PTPRN2: variants seen among roughly 807,000 people sequenced by gnomAD.
PTPRN2 encodes protein tyrosine phosphatase receptor type N2, also known as receptor-type tyrosine-protein phosphatase N2.
In PTPRN2, 74 loss-of-function variants were observed where a neutral mutation model predicts 118.8. The observed-to-expected ratio is 0.62, with a 90% CI of 0.52 to 0.76. PTPRN2 has a LOEUF of 0.76. Among genes scored for constraint, PTPRN2 ranks in the 30% least tolerant of loss-of-function variants. PTPRN2 has a pLI of 0.00. For missense variants in PTPRN2, 1,481 were observed against 1,394.4 expected, an observed-to-expected ratio of 1.06 and a Z score of -0.99; for synonymous variants, 641 against 608.0, an observed-to-expected ratio of 1.05 and a Z score of -0.80.
chr7:158,292,913 C>T (rs1432184566), intron 3 of PTPRN2, among the ~76,000 whole-genome samples: 3 of 151,956 alleles, frequency 2.0e-5, no homozygotes, highest in Non-Finnish European at 2.9e-5. Context: ...ACTAAAAATA[C>T]AAAAATTAGC....
rs370284149 is a variant in PTPRN2, at chr7:157,683,216, G to A, written c.1789-279C>T. Among the ~76,000 whole-genome samples the A allele has an allele frequency of 6.6e-5, 10 of 152,298 alleles. No individual in the cohort carries two copies. The South Asian group carries it at 1.7e-3, about 25-fold the overall frequency. Reference sequence around the variant, plus strand: ...TGGCTGTTTTTCAAATTTATGTAACGTATTTGGCAGCTAATTTGCTGCCTT... The same window carrying A: ...TGGCTGTTTTTCAAATTTATGTAACATATTTGGCAGCTAATTTGCTGCCTT... On this transcript the variant is annotated intron_variant, in intron 12 of 22. Transcript: ENST00000389418.
chr7:158,044,646 C>T (rs1808710363), intron 11 of PTPRN2, among the ~76,000 whole-genome samples: 1 of 152,096 alleles, frequency 6.6e-6, no homozygotes, highest in African/African-American at 2.4e-5. Flanking sequence ...CAGGAGGCCA[C>T]AGGGGACAAG....
intron 14 of PTPRN2, among the ~76,000 whole-genome samples, chr7:157,644,290 C>T (rs147241380): frequency 0.015 from 2,351 of 152,314 alleles, 36 homozygotes; most frequent in Non-Finnish European, 0.026. Flanking sequence ...CTGCCAGCCA[C>T]GGAGAGAGAC....
At chr7:158,073,437 G>C (rs998864902) in intron 11 of PTPRN2, among the ~76,000 whole-genome samples, 5 of 152,186 alleles carry the variant, frequency 3.3e-5, no homozygotes, top group Admixed American at 3.3e-4. Context: ...CAGGCTCCAA[G>C]TGCACCTTCC....
rs956172790 is a variant in PTPRN2, at chr7:157,560,506, C to T, written c.2902+8396G>A. On this transcript the variant is annotated intron_variant, in intron 21 of 22. Transcript: ENST00000389418. This position sits in a 1 kb window ranked among gnomAD's most constrained non-coding sequence, Gnocchi z 6.7. ...TCCAACCAGCGTTCGTCGTCAGCCCCTTACACGGGACAGGGCACTGCAGAC... is the reference window on the plus strand; with the variant it reads ...TCCAACCAGCGTTCGTCGTCAGCCCTTTACACGGGACAGGGCACTGCAGAC... Among the ~76,000 whole-genome samples, 1 of 152,194 alleles carries T rather than the reference C, an allele frequency of 6.6e-6. No homozygotes were observed. The highest frequency in any genetic ancestry group is 2.1e-4 in the South Asian group (1 of 4,832).
intron 2 of PTPRN2, among the ~76,000 whole-genome samples, chr7:158,320,093 TCA>T (rs1563133861): frequency 1.0e-4 from 3 of 30,008 alleles, no homozygotes; most frequent in African/African-American, 2.8e-4. Flanking sequence ...TCACACACAC[TCA>T]CATAGTCTCC....
In PTPRN2 at chr7:158,192,464, T is replaced by G; in HGVS notation, c.412A>C (p.Arg138=). Residue 138 remains arginine, a synonymous_variant, in exon 5 of 23, where the codon AGG becomes CGG. Transcript: ENST00000389418. ...GCAGCACCGCCCTCCCGACTGTACCTCCTCTCGCTGCCAACGCTGTGTTTT... is the reference window on the plus strand; with the variant it reads ...GCAGCACCGCCCTCCCGACTGTACCGCCTCTCGCTGCCAACGCTGTGTTTT... ...PSKHSVGSER[R]YSREGGAALA... 1 of 1,577,654 alleles carries G rather than the reference T, an allele frequency of 6.3e-7. No individual in the cohort carries two copies. The highest frequency in any genetic ancestry group is 8.6e-7 in the Non-Finnish European group (1 of 1,166,896).
chr7:157,709,909 G>T (rs552852657), intron 12 of PTPRN2, among the ~76,000 whole-genome samples: 106 of 152,344 alleles, frequency 7.0e-4, no homozygotes, highest in South Asian at 4.6e-3. Flanking sequence ...TGTTTTGGGG[G>T]AGCAGTGGTT....
intron 5 of PTPRN2, among the ~76,000 whole-genome samples, chr7:158,171,087 CACACATATATATAT>C (rs1334962513): frequency 7.5e-6 from 1 of 133,316 alleles, no homozygotes; most frequent in South Asian, 2.4e-4. Context: ...CATATATATA[CACACATATATATAT>C]ACACATATAT....
intron 11 of PTPRN2, among the ~76,000 whole-genome samples, chr7:158,004,420 A>G (rs1353843638): frequency 2.6e-5 from 4 of 152,222 alleles, no homozygotes; most frequent in African/African-American, 9.6e-5. Flanking sequence ...GCAGATTAAA[A>G]AATTAACCAG....
chr7:158,070,989 G>C (rs575564073), intron 11 of PTPRN2, among the ~76,000 whole-genome samples: 1 of 120,168 alleles, frequency 8.3e-6, no homozygotes, highest in African/African-American at 3.8e-5. Flanking sequence ...GCCCGTGGTG[G>C]TGGAGGTGCT....
intron 3 of PTPRN2, among the ~76,000 whole-genome samples, chr7:158,245,749 GAACAGGTGAGTGGGGAT>G: frequency 6.6e-6 from 1 of 152,304 alleles, no homozygotes; most frequent in Middle Eastern, 3.4e-3. Context: ...GTGGCTGTGT[GAACAGGTGAGTGGGGAT>G]GTGGAAGCAG....
intron 6 of PTPRN2, among the ~76,000 whole-genome samples, chr7:158,147,637 AATGACACCCCATCTCATGCCACGTGTCT>A (rs1200141736): frequency 2.2e-4 from 22 of 100,372 alleles, no homozygotes; most frequent in Admixed American, 7.7e-4. Flanking sequence ...TTTCCCCCTC[AATGACACCCCATCTCATGCCACGTGTCT>A]TTCCCCCTCA....
intron 3 of PTPRN2, among the ~76,000 whole-genome samples, chr7:158,243,869 T>C (rs1003822595): frequency 6.6e-6 from 1 of 152,184 alleles, no homozygotes; most frequent in Non-Finnish European, 1.5e-5. Context: ...TAGCAGTCTG[T>C]TTAGTACAAA....
At chr7:157,626,696 A>G (rs1803592569) in intron 14 of PTPRN2, among the ~76,000 whole-genome samples, 1 of 152,234 alleles carries the variant, frequency 6.6e-6, no homozygotes, top group Non-Finnish European at 1.5e-5. Flanking sequence ...GCTGCTCAGC[A>G]CAGGCAGCAA....
At chr7:158,279,092 G>A (rs186939886) in intron 3 of PTPRN2, among the ~76,000 whole-genome samples, 197 of 152,318 alleles carry the variant, frequency 1.3e-3, no homozygotes, top group Middle Eastern at 0.01. Context: ...CCACACTGTG[G>A]AATGGGACCC....
At chr7:157,679,112 C>T (rs1409226977) in intron 13 of PTPRN2, among the ~76,000 whole-genome samples, 3 of 151,476 alleles carry the variant, frequency 2.0e-5, no homozygotes, top group East Asian at 3.9e-4. Flanking sequence ...TATATATATA[C>T]ACACATATAT....
chr7:157,622,351 C>T lies in PTPRN2; in HGVS notation c.2197-842G>A, dbSNP rs1803305284. 6.6e-6 allele frequency among the ~76,000 whole-genome samples: 1 copy of T among 152,140 alleles called. No homozygotes were observed. Among genetic ancestry groups the T allele is most frequent in the African/African-American group, 2.4e-5 (1 of 41,434 alleles). The stretch of plus-strand genomic sequence containing the variant: ...AGAAAATAAAGCATGCATGTGTACA[C>T]ATGGTCCTTTGCTGCAAAGCGGCCA... On this transcript the variant is annotated intron_variant, in intron 14 of 22. Coordinates refer to ENST00000389418, the MANE Select transcript of PTPRN2 (RefSeq NM_002847.5). This position sits in a 1 kb window ranked among gnomAD's most constrained non-coding sequence, Gnocchi z 5.3.
At position 158,337,365 on chromosome 7, in the gene PTPRN2, A is replaced by G. The variant is rs1188726313; in HGVS notation, c.164-20433T>C. ...GAGGTGACACCTGCAGACGTCCCTCACACCCACACTCTCACCATAAGAGGT... is the reference window on the plus strand; with the variant it reads ...GAGGTGACACCTGCAGACGTCCCTCGCACCCACACTCTCACCATAAGAGGT... On this transcript the variant is annotated intron_variant, in intron 2 of 22. Coordinates refer to ENST00000389418, the MANE Select transcript of PTPRN2 (RefSeq NM_002847.5). 5.8e-4 allele frequency among the ~76,000 whole-genome samples: 54 copies of G among 93,342 alleles called. 1 individual carries two copies. The highest frequency in any genetic ancestry group is 2.0e-3 in the African/African-American group (54 of 27,572). The allele number at this position is 93,342 out of a possible 152,430, so 61.2% of individuals were successfully genotyped here.
Sources: gnomAD v4.1 joint callset for allele counts (sites outside exome capture counted in the v4.1 genomes callset) on GRCh38, gnomAD v4.1.1 for gene constraint, Gnocchi (gnomAD v3.1) non-coding constraint, MANE v1.5 for transcripts, NCBI Gene and HGNC (gene_info 2026-07-23, HGNC 2026-07-21) for gene names.